WDFY3: variants seen among roughly 807,000 people sequenced by gnomAD.
WDFY3 encodes WD repeat and FYVE domain-containing protein 3.
In WDFY3, 66 loss-of-function variants were observed where a neutral mutation model predicts 409.6. The observed-to-expected ratio is 0.16, with a 90% confidence interval of 0.13 to 0.20. The LOEUF (loss-of-function observed/expected upper bound fraction) is 0.20. Among genes scored for constraint, WDFY3 ranks in the 10% least tolerant of loss-of-function variants. The pLI is 1.00. For synonymous variants in WDFY3, 1,521 were observed against 1,537.1 expected (o/e 0.99, Z 0.25); for missense variants, 3,031 against 4,298.1 (o/e 0.71, Z 8.24).
chr4:84,746,931 TCACCAGTTA>T (rs538805325), intron 36 of WDFY3, among the ~76,000 whole-genome samples: 62 of 152,232 alleles, frequency 4.1e-4, no homozygotes, highest in African/African-American at 1.5e-3. Context: ...GCCCATGGCT[TCACCAGTTA>T]TGTCATACTC....
chr4:84,712,180 C>T (rs560337334), intron 51 of WDFY3, among the ~76,000 whole-genome samples: 1 of 151,550 alleles, frequency 6.6e-6, no homozygotes, highest in Non-Finnish European at 1.5e-5. Flanking sequence ...AACAATTAGA[C>T]AGGCATGGTA....
intron 62 of WDFY3, among the ~76,000 whole-genome samples, chr4:84,687,196 T>G (rs1239923631): frequency 6.6e-6 from 1 of 152,166 alleles, no homozygotes; most frequent in Non-Finnish European, 1.5e-5. Flanking sequence ...CAGGCTGGAG[T>G]GCAGTGGAGC....
At chr4:84,738,881 G>A in intron 40 of WDFY3, 129 bp downstream of exon 40, 3 of 766,276 alleles carry the variant, frequency 3.9e-6, no homozygotes, top group Non-Finnish European at 6.6e-6. Context: ...GACTCTTTAT[G>A]TATAGGTTGC....
chr4:84,718,691 G>C (rs779680160), intron 47 of WDFY3, 121 bp from the exon 48 acceptor site: 5 of 1,206,034 alleles, frequency 4.1e-6, no homozygotes, highest in Non-Finnish European at 5.6e-6. Flanking sequence ...ATATTGAGAA[G>C]ATTAAGCTTA....
chr4:84,765,830 T>C lies in WDFY3; in HGVS notation c.5168A>G (p.Asn1723Ser). 4 of 1,613,836 alleles carry C rather than the reference T, an allele frequency of 2.5e-6. No individual in the cohort carries two copies. Among genetic ancestry groups the C allele is most frequent in the Non-Finnish European group, 3.4e-6 (4 of 1,179,880 alleles). ...CATACCTAATACAGTTCCAATCTTA[T>C]TAGTTAAGACAGAATCTGTCTGTTC... ...WLEQTDSVLT[N>S]KIGTVLGFNV... The change falls in exon 32 of 68, where the codon AAT becomes AGT. Residue 1723 changes from asparagine to serine, a missense_variant. By Grantham distance (46) the Asn-to-Ser change is conservative (BLOSUM62 1). This residue lies in a region of WDFY3 where 342 missense variants were observed against 463.7 expected (regional missense o/e 0.74). Coordinates refer to ENST00000295888, the MANE Select transcript of WDFY3 (RefSeq NM_014991.6).
intron 3 of WDFY3, among the ~76,000 whole-genome samples, chr4:84,887,791 T>C (rs182228253): frequency 8.9e-4 from 135 of 152,158 alleles, no homozygotes; most frequent in Non-Finnish European, 1.6e-3. Context: ...ATGGAAGCTC[T>C]TTGTCTTTAT....
intron 25 of WDFY3, among the ~76,000 whole-genome samples, chr4:84,781,709 G>C (rs1746549919): frequency 6.6e-6 from 1 of 152,274 alleles, no homozygotes; most frequent in East Asian, 1.9e-4. Flanking sequence ...TGGAACCTAA[G>C]TCTCTGAACT....
At position 84,807,089 on chromosome 4, in the gene WDFY3, AT is replaced by A. The variant is rs573183794; in HGVS notation, c.2429+1244del. Among the ~76,000 whole-genome samples the A allele has an allele frequency of 2.0e-5, 3 of 152,318 alleles. No individual in the cohort carries two copies. In the South Asian group the frequency reaches 6.2e-4, roughly 32 times the overall value. ...GTAATTTAAACTACTAATTGAAATTATTTCTCTAATATTCAACAATTCCTTG... is the reference window on the plus strand; with the variant it reads ...GTAATTTAAACTACTAATTGAAATTATTCTCTAATATTCAACAATTCCTTG... On this transcript the variant is annotated intron_variant, in intron 15 of 67. Transcript: ENST00000295888.
chr4:84,823,576 AAC>A (rs1399297564), intron 10 of WDFY3, among the ~76,000 whole-genome samples: 1 of 152,160 alleles, frequency 6.6e-6, no homozygotes, highest in Non-Finnish European at 1.5e-5. Flanking sequence ...ATATCTAAAG[AAC>A]TCTTATAACT....
chr4:84,963,332 G>A (rs981028995), intron 1 of WDFY3, among the ~76,000 whole-genome samples: 30 of 151,126 alleles, frequency 2.0e-4, no homozygotes, highest in East Asian at 5.9e-4. Context: ...GCTGAGGCAC[G>A]AGAATCTCTC....
At chr4:84,904,633 G>A (rs1228506375) in intron 2 of WDFY3, among the ~76,000 whole-genome samples, 2 of 152,192 alleles carry the variant, frequency 1.3e-5, no homozygotes, top group African/African-American at 2.4e-5. Context: ...TGTTCTTTCT[G>A]TGCTGTGGTT....
At chr4:84,776,421 T>C (rs1238941142) in intron 27 of WDFY3, among the ~76,000 whole-genome samples, 2 of 152,082 alleles carry the variant, frequency 1.3e-5, no homozygotes, top group Admixed American at 1.3e-4. Context: ...CAATGTACTA[T>C]AAAATAAAGC....
chr4:84,845,295 A>G (rs990610392), intron 5 of WDFY3, among the ~76,000 whole-genome samples: 1 of 152,230 alleles, frequency 6.6e-6, no homozygotes, highest in African/African-American at 2.4e-5. Context: ...AAGTGTGTGA[A>G]TGTAAATTAA....
intron 4 of WDFY3, among the ~76,000 whole-genome samples, chr4:84,853,937 G>C (rs879881478): frequency 1.3e-5 from 2 of 152,114 alleles, no homozygotes; most frequent in Non-Finnish European, 2.9e-5. Flanking sequence ...GAATACAAAG[G>C]TAAATAAAAC....
chr4:84,679,631 C>T (rs949127404), intron 64 of WDFY3, among the ~76,000 whole-genome samples: 12 of 152,050 alleles, frequency 7.9e-5, no homozygotes, highest in Non-Finnish European at 1.6e-4. Context: ...GCCGCCTAGA[C>T]CCATCTTTCC....
intron 13 of WDFY3, among the ~76,000 whole-genome samples, chr4:84,815,682 G>T (rs953572209): frequency 9.9e-5 from 15 of 151,910 alleles, no homozygotes; most frequent in Middle Eastern, 3.2e-3. Context: ...ATATACTTTT[G>T]GGAGGAAAAA....
At chr4:84,839,612 C>A (rs1274833587) in intron 6 of WDFY3, among the ~76,000 whole-genome samples, 1 of 151,552 alleles carries the variant, frequency 6.6e-6, no homozygotes, top group Admixed American at 6.6e-5. Flanking sequence ...AATCCCAGCA[C>A]TTTGGGAGGC....
chr4:84,781,882 A>G (rs1746586797), intron 25 of WDFY3, among the ~76,000 whole-genome samples: 1 of 152,182 alleles, frequency 6.6e-6, no homozygotes. Context: ...AAAAACAAAC[A>G]TTTATGCAAT....
chr4:84,678,863 A>G (rs1013171120), intron 65 of WDFY3, 56 bp downstream of exon 65: 3 of 1,542,292 alleles, frequency 1.9e-6, no homozygotes, highest in Non-Finnish European at 2.6e-6. Flanking sequence ...GCCTCAATCC[A>G]CCAACCCTCA....
Sources: gnomAD v4.1 joint callset for allele counts (sites outside exome capture counted in the v4.1 genomes callset) on GRCh38, gnomAD v4.1.1 for gene constraint, gnomAD v4.1.1 regional missense constraint, MANE v1.5 for transcripts, NCBI Gene and HGNC (gene_info 2026-07-23, HGNC 2026-07-21) for gene names.